The following PDCD6IP variants were observed in gnomAD, a reference collection of about 807,000 sequenced individuals.
PDCD6IP encodes the protein programmed cell death 6-interacting protein.
PDCD6IP carries 43 observed loss-of-function variants against 103.7 expected under a neutral mutation model. The ratio of observed to expected loss-of-function variants is 0.41; its 90% CI spans 0.32 to 0.53. PDCD6IP has a LOEUF of 0.53. PDCD6IP is among the 20% of genes least tolerant of loss of function. The pLI, the probability that PDCD6IP is intolerant of heterozygous loss-of-function variation, is 0.16. For missense variants in PDCD6IP, 871 were observed against 1,036.7 expected, an observed-to-expected ratio of 0.84 and a Z score of 2.20; for synonymous variants, 354 against 378.7, an observed-to-expected ratio of 0.93 and a Z score of 0.76.
At chr3:33,826,688 T>C in intron 6 of PDCD6IP, 108 bp downstream of exon 6, 1 of 1,498,942 alleles carries the variant, frequency 6.7e-7, no homozygotes, top group Non-Finnish European at 9.0e-7. Context: ...GAAGTTTTAA[T>C]AGAGTTATCT....
intron 8 of PDCD6IP, among the ~76,000 whole-genome samples, chr3:33,837,902 A>G (rs537392645): frequency 2.6e-5 from 4 of 152,266 alleles, no homozygotes; most frequent in Admixed American, 1.3e-4. Context: ...ATTCAGTTTA[A>G]TCAACAGATG....
intron 1 of PDCD6IP, among the ~76,000 whole-genome samples, chr3:33,806,402 G>A (rs1054419640): frequency 1.3e-5 from 2 of 152,170 alleles, no homozygotes; most frequent in South Asian, 2.1e-4. Flanking sequence ...ATAGCTAAGA[G>A]TTGGGATTCA....
intron 2 of PDCD6IP, among the ~76,000 whole-genome samples, chr3:33,813,031 A>G (rs577087794): frequency 6.6e-6 from 1 of 152,330 alleles, no homozygotes; most frequent in Admixed American, 6.5e-5. Flanking sequence ...TTTAATAAAC[A>G]TTTAATTTTC....
At chr3:33,843,368 G>C (rs1442408542) in intron 10 of PDCD6IP, among the ~76,000 whole-genome samples, 5 of 152,158 alleles carry the variant, frequency 3.3e-5, no homozygotes, top group Non-Finnish European at 4.4e-5. Context: ...CAAGTCAATG[G>C]TGAACTACAC....
At position 33,838,328 on chromosome 3, in the gene PDCD6IP, G is replaced by C; in HGVS notation, c.1181+1G>C. 6.2e-7 allele frequency: 1 copy of C among 1,608,940 alleles called. No individual in the cohort carries two copies. The highest frequency in any genetic ancestry group is 8.5e-7 in the Non-Finnish European group (1 of 1,176,738). ...GAGAAGCCACCACTTTGGCAAATGG[G>C]TAGGTAGAGCTTAATTTTAGAGCCT... On this transcript the variant is annotated splice_donor_variant, in intron 9 of 17. Coordinates refer to ENST00000307296, the MANE Select transcript of PDCD6IP (RefSeq NM_013374.6). LOFTEE classifies it high-confidence loss of function.
rs1399434723 is a variant in PDCD6IP, at chr3:33,864,008, A to T, written c.2123A>T (p.Asp708Val). 6.2e-7 allele frequency: 1 copy of T among 1,608,918 alleles called. No homozygotes were observed. The highest frequency in any genetic ancestry group is 8.5e-7 in the Non-Finnish European group (1 of 1,175,582). The part of the protein sequence containing the change: ...RKTERDELLK[D>V]LQQSIAREPS... ...TTTAACACTCTGTCTTTGATAAGGG[A>T]CTTGCAACAAAGCATTGCCAGAGAA... is the stretch of plus-strand genomic sequence containing the variant. The change falls in exon 16 of 18, where the codon GAC becomes GTC. Residue 708 changes from aspartate (D) to valine (V), a missense_variant and splice_region_variant. This residue lies in a region of PDCD6IP where 266 missense variants were observed against 390.5 expected (regional missense o/e 0.68). Coordinates refer to ENST00000307296, the MANE Select transcript of PDCD6IP (RefSeq NM_013374.6).
chr3:33,822,423 T>A (rs1311962552), intron 4 of PDCD6IP, among the ~76,000 whole-genome samples: 12 of 152,162 alleles, frequency 7.9e-5, no homozygotes, highest in African/African-American at 2.4e-5. Context: ...TTAAAAAAAA[T>A]TTGTACATTA....
At chr3:33,800,749 T>G (rs183771412) in intron 1 of PDCD6IP, among the ~76,000 whole-genome samples, 5 of 152,232 alleles carry the variant, frequency 3.3e-5, no homozygotes, top group African/African-American at 7.2e-5. Context: ...TAAGAAAACA[T>G]AGTTGTGGTA....
chr3:33,848,372 G>A (rs981911936), intron 12 of PDCD6IP, among the ~76,000 whole-genome samples: 2 of 151,744 alleles, frequency 1.3e-5, no homozygotes, highest in Non-Finnish European at 2.9e-5. Flanking sequence ...GGTTATAAAA[G>A]TAAAATAGAA....
chr3:33,841,839 T>C, intron 9 of PDCD6IP, 58 bp from the exon 10 acceptor site: 1 of 1,098,666 alleles, frequency 9.1e-7, no homozygotes, highest in Non-Finnish European at 1.3e-6. Context: ...AAAGTAAGTA[T>C]TGATGAGGAG....
At chr3:33,852,397 C>G (rs1159166082) in intron 12 of PDCD6IP, 91 bp from the exon 13 acceptor site, 2 of 1,438,640 alleles carry the variant, frequency 1.4e-6, no homozygotes, top group Non-Finnish European at 1.8e-6. Context: ...CTCTCTCAGC[C>G]CGAATGAACC....
At chr3:33,823,075 A>G (rs1324278857) in intron 4 of PDCD6IP, among the ~76,000 whole-genome samples, 1 of 152,168 alleles carries the variant, frequency 6.6e-6, no homozygotes, top group Non-Finnish European at 1.5e-5. Context: ...TCTAATTTAC[A>G]AAGTGTTTTC....
intron 12 of PDCD6IP, among the ~76,000 whole-genome samples, chr3:33,846,004 A>C (rs1383251878): frequency 6.6e-6 from 1 of 152,232 alleles, no homozygotes; most frequent in Non-Finnish European, 1.5e-5. Context: ...AGGAAGATTG[A>C]CAAGGTGTGC....
intron 16 of PDCD6IP, 94 bp from the exon 17 acceptor site, chr3:33,865,149 C>G (rs1460266994): frequency 1.3e-6 from 1 of 777,678 alleles, no homozygotes; most frequent in East Asian, 3.2e-5. Flanking sequence ...TGGTTGGATT[C>G]TAGAGTTTCT....
At chr3:33,800,554 G>A (rs1309559243) in intron 1 of PDCD6IP, among the ~76,000 whole-genome samples, 2 of 152,200 alleles carry the variant, frequency 1.3e-5, no homozygotes, top group African/African-American at 4.8e-5. Context: ...AGACCCCTTG[G>A]TGTCAAATTT....
intron 9 of PDCD6IP, among the ~76,000 whole-genome samples, chr3:33,838,798 A>G (rs917803693): frequency 1.3e-5 from 2 of 150,912 alleles, no homozygotes; most frequent in African/African-American, 4.9e-5. Context: ...ATTTATGTAT[A>G]TATATATATT....
At position 33,798,801 on chromosome 3, in the gene PDCD6IP, A is replaced by C. The variant is rs1212990673; in HGVS notation, c.73A>C (p.Ile25Leu). 6.4e-7 allele frequency: 1 copy of C among 1,571,324 alleles called. No individual in the cohort carries two copies. Among genetic ancestry groups the C allele is most frequent in the South Asian group, 1.2e-5 (1 of 85,280 alleles). Reference protein sequence around the residue: ...VDLAKPLVKFIQQTYPSGGEE... With the variant: ...VDLAKPLVKFLQQTYPSGGEE... The stretch of plus-strand genomic sequence containing the variant: ...CCTGGCCAAGCCGCTGGTGAAGTTC[A>C]TCCAGCAGACTTACCCAAGCGGCGG... Residue 25 changes from isoleucine to leucine, a missense_variant, in exon 1 of 18, where the codon ATC becomes CTC. Physicochemically the swap from Ile to Leu is conservative, Grantham distance 5. This residue lies in a region of PDCD6IP where 114 missense variants were observed against 106.7 expected (regional missense o/e 1.07). Transcript: ENST00000307296.
intron 17 of PDCD6IP, 71 bp downstream of exon 17, chr3:33,865,501 C>A: frequency 7.8e-7 from 1 of 1,276,268 alleles, no homozygotes; most frequent in Non-Finnish European, 1.1e-6. Flanking sequence ...CTGTTAAAAA[C>A]AGGGTCATCC....
intron 13 of PDCD6IP, among the ~76,000 whole-genome samples, chr3:33,853,350 A>G (rs1697761552): frequency 6.6e-6 from 1 of 152,218 alleles, no homozygotes; most frequent in Non-Finnish European, 1.5e-5. Context: ...GAAAATCGAA[A>G]TTAGTTGGAA....
Sources: allele counts gnomAD v4.1 joint callset (sites outside exome capture counted in the v4.1 genomes callset), GRCh38; gene constraint gnomAD v4.1.1; regional missense constraint gnomAD v4.1.1; transcripts MANE v1.5; gene names NCBI Gene and HGNC (gene_info 2026-07-23, HGNC 2026-07-21).